The following ZC4H2 variants were observed in gnomAD, a reference collection of about 807,000 sequenced individuals.
ZC4H2 encodes zinc finger C4H2 domain-containing protein.
For synonymous variants in ZC4H2, 84 were observed against 66.3 expected (o/e 1.27, Z -1.30); for missense variants, 137 against 173.9 (o/e 0.79, Z 1.19).
intron 1 of ZC4H2, among the ~76,000 whole-genome samples, chrX:64,995,667 C>G (rs1932399710): frequency 8.9e-6 from 1 of 112,314 alleles, no homozygotes; most frequent in Admixed American, 9.4e-5. Flanking sequence ...GCCTTAGGTA[C>G]ACTTAGCTAC....
At chrX:64,947,666 T>A (rs1378831757) in intron 1 of ZC4H2, among the ~76,000 whole-genome samples, 1 of 112,074 alleles carries the variant, frequency 8.9e-6, no homozygotes, top group Non-Finnish European at 1.9e-5. Flanking sequence ...TAGACAAGAC[T>A]GAAAACCTAA....
intron 1 of ZC4H2, among the ~76,000 whole-genome samples, chrX:64,924,785 G>A (rs749618608): frequency 9.0e-6 from 1 of 111,305 alleles, no homozygotes; most frequent in African/African-American, 3.3e-5. Context: ...GTGAAGAGCA[G>A]TGTGGCTGGA....
chrX:64,937,702 GAAGGCAGAAATA>G (rs779164208), intron 1 of ZC4H2, among the ~76,000 whole-genome samples: 8 of 111,784 alleles, frequency 7.2e-5, no homozygotes, highest in African/African-American at 2.3e-4. Context: ...TTAATGAAAT[GAAGGCAGAAATA>G]AAGATGTTCT....
chrX:64,976,453 C>A, upstream of ZC4H2: 2 of 1,071,909 alleles, frequency 1.9e-6, no homozygotes, highest in Non-Finnish European at 2.6e-6. Context: ...CACAATGTAG[C>A]CACCTCCTCC....
intron 1 of ZC4H2, among the ~76,000 whole-genome samples, chrX:64,981,672 A>G (rs1428571858): frequency 1.8e-5 from 2 of 111,006 alleles, no homozygotes; most frequent in African/African-American, 6.6e-5. Context: ...ACTGAAGAAC[A>G]GAAATGGTAA....
intron 1 of ZC4H2, among the ~76,000 whole-genome samples, chrX:65,022,089 C>A (rs776518206): frequency 8.1e-5 from 9 of 111,739 alleles, no homozygotes; most frequent in African/African-American, 2.6e-4. Flanking sequence ...CCGAATTCTA[C>A]CAGAGGTACA....
intron 4 of ZC4H2, chrX:64,918,138 C>T: frequency 3.3e-6 from 1 of 306,072 alleles, no homozygotes; most frequent in Admixed American, 5.3e-5. Flanking sequence ...AAAATGAGAA[C>T]TACACATCTT....
chrX:65,026,789 C>T (rs770509894), intron 1 of ZC4H2, among the ~76,000 whole-genome samples: 2 of 111,637 alleles, frequency 1.8e-5, no homozygotes, highest in African/African-American at 3.3e-5. Context: ...AGGTGGGCTT[C>T]AAGGAATAAG....
chrX:64,952,004 C>T (rs1323396451), intron 1 of ZC4H2, among the ~76,000 whole-genome samples: 1 of 111,207 alleles, frequency 9.0e-6, no homozygotes, highest in Non-Finnish European at 1.9e-5. Flanking sequence ...GATCCAGTTT[C>T]AGCTTTCTAC....
intron 1 of ZC4H2, among the ~76,000 whole-genome samples, chrX:64,985,201 T>C (rs1187561770): frequency 8.9e-6 from 1 of 112,014 alleles, no homozygotes; most frequent in Non-Finnish European, 1.9e-5. Context: ...TCTTTTCCTT[T>C]GGATAGATAC....
intron 1 of ZC4H2, among the ~76,000 whole-genome samples, chrX:64,943,337 C>G (rs756209973): frequency 1.8e-5 from 2 of 111,859 alleles, no homozygotes; most frequent in Non-Finnish European, 3.8e-5. Context: ...CTGTAGATGT[C>G]TATTAGGTCC....
At chrX:64,998,877 A>AT (rs903021383) in intron 1 of ZC4H2, among the ~76,000 whole-genome samples, 3 of 109,068 alleles carry the variant, frequency 2.8e-5, no homozygotes, top group African/African-American at 6.7e-5. Flanking sequence ...TCTTATAATC[A>AT]TTTTTTTAAA....
At chrX:64,941,726 C>A (rs1017174207) in intron 1 of ZC4H2, among the ~76,000 whole-genome samples, 4 of 112,268 alleles carry the variant, frequency 3.6e-5, no homozygotes, top group African/African-American at 1.3e-4. Context: ...ACTAGCCTTG[C>A]ATCCCAGGGA....
chrX:64,999,866 C>T (rs1427697847), intron 1 of ZC4H2, among the ~76,000 whole-genome samples: 1 of 112,283 alleles, frequency 8.9e-6, no homozygotes, highest in Non-Finnish European at 1.9e-5. Context: ...TTGACAAAGC[C>T]TCCGTAGCAA....
rs1929104105 is a variant in ZC4H2, at chrX:64,919,845, C to A, written c.398+236G>T. On this transcript the variant is annotated intron_variant, in intron 3 of 4. Coordinates refer to ENST00000374839, the MANE Select transcript of ZC4H2 (RefSeq NM_018684.4). ...AAGCCACCTAGTAGTTGTTCTAATTCATCTAGTAATTCATCCAGTTTAATA... is the reference window on the plus strand; with the variant it reads ...AAGCCACCTAGTAGTTGTTCTAATTAATCTAGTAATTCATCCAGTTTAATA... 3 of 342,424 alleles carry A rather than the reference C, an allele frequency of 8.8e-6. No homozygotes were observed. The Admixed American group carries it at 1.6e-4, about 18-fold the overall frequency. The allele number at this position is 342,424 out of a possible 1,213,427, so 28.2% of individuals were successfully genotyped here.
At chrX:64,928,970 C>A (rs897254122) in intron 1 of ZC4H2, among the ~76,000 whole-genome samples, 4 of 105,624 alleles carry the variant, frequency 3.8e-5, no homozygotes, top group South Asian at 8.8e-4. Context: ...CTCACTGCAA[C>A]CTCCACCTCT....
chrX:64,954,373 A>T (rs866690948), intron 1 of ZC4H2, among the ~76,000 whole-genome samples: 4 of 72,651 alleles, frequency 5.5e-5, no homozygotes, highest in African/African-American at 4.1e-4. Context: ...TATATATATA[A>T]TTATATATAT....
At position 65,031,512 on chromosome X, in the gene ZC4H2, G is replaced by A. The variant is rs186964979; in HGVS notation, c.-272+3117C>T. Among the ~76,000 whole-genome samples, 165 of 110,311 alleles carry A rather than the reference G, an allele frequency of 1.5e-3. 2 individuals are homozygous for A. Among genetic ancestry groups the A allele is most frequent in the African/African-American group, 5.3e-3 (161 of 30,340 alleles). ...AACTCACTGATTTGTAATTGTAAAG[G>A]TAAATGAAGGTGAATAAGGAAAAAA... On this transcript the variant is annotated intron_variant, in intron 1 of 4. Coordinates refer to the ZC4H2 transcript ENST00000337990.
At chrX:64,998,793 T>A (rs2147277736) in intron 1 of ZC4H2, among the ~76,000 whole-genome samples, 1 of 111,140 alleles carries the variant, frequency 9.0e-6, no homozygotes, top group South Asian at 3.7e-4. Flanking sequence ...TGATCCATCA[T>A]TAAGTATATA....
Sources: gnomAD v4.1 joint callset for allele counts (sites outside exome capture counted in the v4.1 genomes callset) on GRCh38, gnomAD v4.1.1 for gene constraint, MANE v1.5 for transcripts, NCBI Gene and HGNC (gene_info 2026-07-23, HGNC 2026-07-21) for gene names.